GAB1: variants seen among roughly 807,000 people sequenced by gnomAD.
GAB1 encodes the protein GRB2 associated binding protein 1, also known as GRB2-associated-binding protein 1.
A neutral mutation model predicts 66.5 loss-of-function variants in GAB1; 19 were observed. That is an observed-to-expected ratio of 0.29 (90% CI 0.20 to 0.42). The LOEUF (loss-of-function observed/expected upper bound fraction) is 0.42. Ranked by LOEUF, GAB1 falls within the 10% of genes least tolerant of loss-of-function variation. The probability of loss-of-function intolerance (pLI) is 1.00; values close to 1 mark genes in which losing one functional copy is unlikely to be tolerated. For synonymous variants in GAB1, 294 were observed against 301.4 expected, an observed-to-expected ratio of 0.98 and a Z score of 0.25; for missense variants, 732 against 858.5, an observed-to-expected ratio of 0.85 and a Z score of 1.84.
intron 1 of GAB1, among the ~76,000 whole-genome samples, chr4:143,397,310 G>A (rs1272559037): frequency 1.3e-5 from 2 of 152,296 alleles, no homozygotes; most frequent in Admixed American, 6.5e-5. Flanking sequence ...GGTTAATCCT[G>A]CTTGTATAAA....
At chr4:143,424,780 C>A (rs1733235218) in intron 2 of GAB1, 2 of 275,094 alleles carry the variant, frequency 7.3e-6, no homozygotes, top group Admixed American at 4.8e-5. Flanking sequence ...CATGGTGAAA[C>A]CCTGTCTCTA....
intron 1 of GAB1, among the ~76,000 whole-genome samples, chr4:143,406,809 G>T (rs181908419): frequency 4.0e-4 from 61 of 152,328 alleles, no homozygotes; most frequent in African/African-American, 1.4e-3. Context: ...GTCTCCTCTT[G>T]GTTAGGGTAA....
At chr4:143,339,899 TG>T (rs1469246212) in intron 1 of GAB1, among the ~76,000 whole-genome samples, 2 of 152,210 alleles carry the variant, frequency 1.3e-5, no homozygotes, top group African/African-American at 4.8e-5. Flanking sequence ...TTTCTTTGCC[TG>T]GTGTAGCACT....
At chr4:143,421,023 C>A (rs1434693359) in intron 2 of GAB1, among the ~76,000 whole-genome samples, 2 of 151,960 alleles carry the variant, frequency 1.3e-5, no homozygotes, top group African/African-American at 4.8e-5. Flanking sequence ...GTCTGTGTAA[C>A]TGCCCCTCAG....
rs1560795590 is a variant in GAB1 at position 143,471,400 on chromosome 4, G to A, written c.*2211G>A. Reference sequence around the variant, plus strand: ...TAAATTAAAAGTTTCTTACAGAGCAGTATTTTCCAAACATTTTTAGCACTA... The same window carrying A: ...TAAATTAAAAGTTTCTTACAGAGCAATATTTTCCAAACATTTTTAGCACTA... On this transcript the variant is annotated 3_prime_UTR_variant, in exon 10 of 10. Coordinates refer to ENST00000262994, the MANE Select transcript of GAB1 (RefSeq NM_002039.4). The A allele has an allele frequency of 1.3e-5, 2 of 152,152 alleles. No homozygotes were observed. The highest frequency in any genetic ancestry group is 1.5e-5 in the Non-Finnish European group (1 of 68,002). 9.4% of individuals were successfully genotyped at this position (152,152 alleles called of 1,614,324 possible).
intron 1 of GAB1, chr4:143,343,319 T>TA (rs1728884485): frequency 6.6e-6 from 1 of 152,640 alleles, no homozygotes; most frequent in African/African-American, 2.4e-5. Flanking sequence ...CTTTACTATT[T>TA]ATCTTAAATA....
intron 1 of GAB1, among the ~76,000 whole-genome samples, chr4:143,371,334 G>A (rs1730112833): frequency 6.6e-6 from 1 of 152,220 alleles, no homozygotes; most frequent in South Asian, 2.1e-4. Context: ...TCTGTTGGCT[G>A]CATAAATGTC....
chr4:143,430,602 A>T (rs1733603540), intron 2 of GAB1, among the ~76,000 whole-genome samples: 1 of 152,182 alleles, frequency 6.6e-6, no homozygotes, highest in Admixed American at 6.5e-5. Context: ...AAAGCACTTG[A>T]TATTATGAAA....
At chr4:143,425,079 A>G in intron 2 of GAB1, 2 of 901,108 alleles carry the variant, frequency 2.2e-6, no homozygotes, top group Non-Finnish European at 3.7e-6. Context: ...TGTCCTGCAA[A>G]TGAAGGAGGA....
At chr4:143,463,034 A>G (rs774432093) in intron 8 of GAB1, among the ~76,000 whole-genome samples, 11 of 152,320 alleles carry the variant, frequency 7.2e-5, no homozygotes, top group African/African-American at 2.6e-4. Context: ...GGACATACCT[A>G]TCTACCAAGT....
intron 1 of GAB1, among the ~76,000 whole-genome samples, chr4:143,341,320 T>G (rs1219386125): frequency 6.6e-6 from 1 of 152,242 alleles, no homozygotes; most frequent in Admixed American, 6.5e-5. Flanking sequence ...TTTAAAGAAT[T>G]ATTTAAAGAA....
intron 1 of GAB1, among the ~76,000 whole-genome samples, chr4:143,337,478 GT>G (rs1728700370): frequency 6.6e-6 from 1 of 152,182 alleles, no homozygotes; most frequent in Admixed American, 6.5e-5. Flanking sequence ...CTTCCTCCAG[GT>G]TCCAGACAGC....
chr4:143,446,821 G>A (rs1310973412), intron 6 of GAB1, among the ~76,000 whole-genome samples: 9 of 150,708 alleles, frequency 6.0e-5, no homozygotes, highest in South Asian at 4.2e-4. Flanking sequence ...TGTCAATTTT[G>A]GCTTTTGTTG....
At chr4:143,354,596 A>T (rs932811802) in intron 1 of GAB1, among the ~76,000 whole-genome samples, 4 of 152,052 alleles carry the variant, frequency 2.6e-5, no homozygotes, top group African/African-American at 9.7e-5. Context: ...TGTTTCTTTT[A>T]AAAAAAACTT....
chr4:143,342,090 C>G (rs112182893), intron 1 of GAB1, among the ~76,000 whole-genome samples: 4,741 of 152,252 alleles, frequency 0.031, 246 homozygotes, highest in African/African-American at 0.11. Context: ...TTTCTGTTAA[C>G]AGAGATCATC....
At chr4:143,401,728 A>G (rs1001357383) in intron 1 of GAB1, among the ~76,000 whole-genome samples, 33 of 152,224 alleles carry the variant, frequency 2.2e-4, no homozygotes, top group Non-Finnish European at 4.4e-4. Context: ...CCAAAGATAC[A>G]TTCATCCTTA....
At chr4:143,422,179 T>G (rs137961089) in intron 2 of GAB1, among the ~76,000 whole-genome samples, 1 of 152,284 alleles carries the variant, frequency 6.6e-6, no homozygotes, top group Non-Finnish European at 1.5e-5. Flanking sequence ...TAGACCCTTA[T>G]TTGCTAAGTT....
At chr4:143,359,120 TAAG>T (rs1729561122) in intron 1 of GAB1, among the ~76,000 whole-genome samples, 1 of 152,144 alleles carries the variant, frequency 6.6e-6, no homozygotes, top group African/African-American at 2.4e-5. Flanking sequence ...AAACAGTACT[TAAG>T]GAGTGATGTC....
At position 143,438,412 on chromosome 4, in the gene GAB1, C is replaced by T. The variant is rs1734049275; in HGVS notation, c.1007C>T (p.Thr336Ile). The change falls in exon 4 of 10, where the codon ACT becomes ATT. Residue 336 changes from threonine to isoleucine, a missense_variant. Transcript: ENST00000262994. The stretch of plus-strand genomic sequence containing the variant: ...TTGGGACAGACATCAAAGCTAGACA[C>T]TATTCCAGATATTCCTCCACCTCGG... ...GTLGQTSKLDTIPDIPPPRPP... is the reference protein window; with the variant it reads ...GTLGQTSKLDIIPDIPPPRPP... 1 of 1,614,072 alleles carries T rather than the reference C, an allele frequency of 6.2e-7. No individual in the cohort carries two copies. Among genetic ancestry groups the T allele is most frequent in the Non-Finnish European group, 8.5e-7 (1 of 1,179,986 alleles).
Sources: gnomAD v4.1 joint callset for allele counts (sites outside exome capture counted in the v4.1 genomes callset) on GRCh38, gnomAD v4.1.1 for gene constraint, MANE v1.5 for transcripts, NCBI Gene and HGNC (gene_info 2026-07-23, HGNC 2026-07-21) for gene names.